PRKN: variants seen among roughly 807,000 people sequenced by gnomAD.
PRKN encodes parkin RBR E3 ubiquitin protein ligase.
In PRKN, 56 loss-of-function variants were observed where a neutral mutation model predicts 59.5. That is an observed-to-expected ratio of 0.94 (90% CI 0.76 to 1.18). The LOEUF is 1.18. Ranked by LOEUF, PRKN falls within the 50% of genes most tolerant of loss-of-function variation. The pLI is 0.00. For synonymous variants in PRKN, 250 were observed against 222.1 expected (o/e 1.13, Z -1.12); for missense variants, 657 against 596.4 (o/e 1.10, Z -1.06).
At chr6:162,222,953 A>T (rs1033016528) in intron 3 of PRKN, among the ~76,000 whole-genome samples, 5 of 151,096 alleles carry the variant, frequency 3.3e-5, no homozygotes, top group African/African-American at 1.2e-4. Context: ...GGTGTGCTGC[A>T]CCCATTAACT....
chr6:161,932,879 C>T (rs74836141), intron 6 of PRKN, among the ~76,000 whole-genome samples: 1,915 of 151,970 alleles, frequency 0.013, 44 homozygotes, highest in African/African-American at 0.042. Flanking sequence ...TTCTCAACAT[C>T]TTTTCTCTCC....
chr6:161,636,151 TGTGCTGG>T (rs1277196462), intron 7 of PRKN, among the ~76,000 whole-genome samples: 1 of 152,248 alleles, frequency 6.6e-6, no homozygotes, highest in Admixed American at 6.5e-5. Context: ...GACAAGGCAC[TGTGCTGG>T]GCATGTGATG....
chr6:161,699,310 C>G (rs1786151732), intron 7 of PRKN, among the ~76,000 whole-genome samples: 1 of 152,170 alleles, frequency 6.6e-6, no homozygotes, highest in Non-Finnish European at 1.5e-5. Context: ...GAAACATACA[C>G]TATCCAAATG....
chr6:162,235,524 A>C (rs1778616426), intron 3 of PRKN, among the ~76,000 whole-genome samples: 1 of 152,160 alleles, frequency 6.6e-6, no homozygotes, highest in Non-Finnish European at 1.5e-5. Flanking sequence ...AATACTCCTC[A>C]TGGCCGGGCG....
At chr6:161,928,394 C>T (rs201989732) in intron 6 of PRKN, among the ~76,000 whole-genome samples, 9 of 152,084 alleles carry the variant, frequency 5.9e-5, no homozygotes, top group Non-Finnish European at 1.2e-4. Flanking sequence ...AAATCATACT[C>T]GATCAGGTAA....
chr6:162,506,544 G>A (rs777542282), intron 1 of PRKN, among the ~76,000 whole-genome samples: 28 of 152,284 alleles, frequency 1.8e-4, no homozygotes, highest in Admixed American at 5.9e-4. Context: ...AGCAAATATG[G>A]ACTTACCTTC....
At chr6:162,278,978 GT>G (rs1160211843) in intron 2 of PRKN, among the ~76,000 whole-genome samples, 3 of 152,230 alleles carry the variant, frequency 2.0e-5, no homozygotes, top group African/African-American at 7.2e-5. Flanking sequence ...TTTTTTAAAG[GT>G]TTGAATCTCC....
chr6:162,689,770 C>G (rs1777702356), intron 1 of PRKN, among the ~76,000 whole-genome samples: 2 of 152,138 alleles, frequency 1.3e-5, no homozygotes, highest in African/African-American at 4.8e-5. Context: ...ACAGGGGCAA[C>G]AGGCTCAGAA....
chr6:162,225,789 A>G (rs1778142672), intron 3 of PRKN, among the ~76,000 whole-genome samples: 1 of 151,966 alleles, frequency 6.6e-6, no homozygotes, highest in Admixed American at 6.6e-5. Context: ...ATATGGGGAA[A>G]TCTCATATAA....
chr6:161,434,003 G>A (rs556664691), intron 9 of PRKN, among the ~76,000 whole-genome samples: 3 of 131,616 alleles, frequency 2.3e-5, no homozygotes, highest in East Asian at 5.7e-4. Flanking sequence ...GGTGACAAGA[G>A]CGAAACTCCA....
chr6:162,160,552 C>G (rs992528705), intron 4 of PRKN, among the ~76,000 whole-genome samples: 1 of 151,962 alleles, frequency 6.6e-6, no homozygotes, highest in Non-Finnish European at 1.5e-5. Flanking sequence ...CTGTGTCAAA[C>G]TATACCTCAG....
intron 1 of PRKN, among the ~76,000 whole-genome samples, chr6:162,572,721 G>T (rs1220217327): frequency 6.6e-6 from 1 of 152,178 alleles, no homozygotes; most frequent in Non-Finnish European, 1.5e-5. Flanking sequence ...AGCTCTTTCA[G>T]TAAAATCAAT....
intron 2 of PRKN, among the ~76,000 whole-genome samples, chr6:162,410,597 G>C (rs1788308089): frequency 6.6e-6 from 1 of 152,176 alleles, no homozygotes; most frequent in Non-Finnish European, 1.5e-5. Flanking sequence ...AGTGGACAAT[G>C]CATACCAATG....
intron 7 of PRKN, among the ~76,000 whole-genome samples, chr6:161,643,154 A>T (rs1783802724): frequency 6.6e-6 from 1 of 152,112 alleles, no homozygotes; most frequent in Non-Finnish European, 1.5e-5. Flanking sequence ...AAATCACTCA[A>T]CTTAGTTTTT....
chr6:162,440,142 TTAAAGTTC>T (rs1390489709), intron 2 of PRKN, among the ~76,000 whole-genome samples: 1 of 151,936 alleles, frequency 6.6e-6, no homozygotes, highest in South Asian at 2.1e-4. Flanking sequence ...CTTTAATTTT[TTAAAGTTC>T]TTAAAGTCTT....
Position 161,361,229 on chromosome 6 carries a change from T to C in PRKN, c.1168-1024A>G, listed in dbSNP as rs191702313. Among the ~76,000 whole-genome samples, 7 of 152,336 alleles carry C rather than the reference T, an allele frequency of 4.6e-5. No individual in the cohort carries two copies. The East Asian group carries it at 1.2e-3, about 25-fold the overall frequency. On this transcript the variant is annotated intron_variant, in intron 10 of 11. Coordinates refer to ENST00000366898, the MANE Select transcript of PRKN (RefSeq NM_004562.3). The surrounding 1 kb of genome is among the most constrained non-coding windows in gnomAD (Gnocchi z 5.2). The stretch of plus-strand genomic sequence containing the variant: ...TTTCGAATTCCAAGCCTTTTTGAAA[T>C]GTTAAAGTTTTTGAGTCTTTATAGA...
chr6:162,648,121 A>T (rs1778267880), intron 1 of PRKN, among the ~76,000 whole-genome samples: 2 of 152,270 alleles, frequency 1.3e-5, no homozygotes, highest in South Asian at 4.1e-4. Context: ...CGAGCGATGT[A>T]AAATGGCAGT....
intron 4 of PRKN, among the ~76,000 whole-genome samples, chr6:162,115,328 C>T (rs1780619968): frequency 6.7e-6 from 1 of 148,846 alleles, no homozygotes; most frequent in Admixed American, 6.8e-5. Flanking sequence ...GGGAACATCA[C>T]ACTCTGGGGA....
intron 4 of PRKN, among the ~76,000 whole-genome samples, chr6:162,152,183 C>A (rs1220550920): frequency 2.0e-5 from 3 of 152,134 alleles, no homozygotes; most frequent in African/African-American, 7.2e-5. Flanking sequence ...CGTTATCCTG[C>A]CAAATGCAAG....
Sources: gnomAD v4.1 joint callset for allele counts (sites outside exome capture counted in the v4.1 genomes callset) on GRCh38, gnomAD v4.1.1 for gene constraint, Gnocchi (gnomAD v3.1) non-coding constraint, MANE v1.5 for transcripts, NCBI Gene and HGNC (gene_info 2026-07-23, HGNC 2026-07-21) for gene names.